Variants in CNTN6 observed in about 807,000 individuals in gnomAD.
The protein encoded by CNTN6 is contactin-6.
In CNTN6, 137 loss-of-function variants were observed where a neutral mutation model predicts 122.8. The ratio of observed to expected loss-of-function variants is 1.12; its 90% CI spans 0.97 to 1.29. The LOEUF is 1.29. CNTN6 is among the 50% of genes most tolerant of loss of function. The pLI, the probability that CNTN6 is intolerant of heterozygous loss-of-function variation, is 0.00. For synonymous variants in CNTN6, 570 were observed against 426.0 expected, an observed-to-expected ratio of 1.34 and a Z score of -4.16; for missense variants, 1,634 against 1,223.4, an observed-to-expected ratio of 1.34 and a Z score of -5.01.
At chr3:1,330,063 C>A in intron 11 of CNTN6, 128 bp downstream of exon 11, 1 of 565,486 alleles carries the variant, frequency 1.8e-6, no homozygotes, top group African/African-American at 2.0e-5. Flanking sequence ...CCTAGAGACG[C>A]CAGCATTCTT....
At chr3:1,247,427 T>C (rs1449948798) in intron 4 of CNTN6, among the ~76,000 whole-genome samples, 1 of 151,174 alleles carries the variant, frequency 6.6e-6, no homozygotes, top group Admixed American at 6.7e-5. Context: ...TAATATCTGA[T>C]AGCTATTAAA....
intron 4 of CNTN6, among the ~76,000 whole-genome samples, chr3:1,245,457 C>T (rs571542019): frequency 2.8e-4 from 41 of 147,066 alleles, no homozygotes; most frequent in African/African-American, 1.0e-3. Context: ...AAACATCATA[C>T]GTTCTTATTC....
intron 2 of CNTN6, among the ~76,000 whole-genome samples, chr3:1,158,592 G>A (rs778747715): frequency 1.3e-4 from 19 of 150,630 alleles, no homozygotes; most frequent in Non-Finnish European, 1.9e-4. Flanking sequence ...TTTTGGCAGC[G>A]GGCAGGATTT....
intron 7 of CNTN6, among the ~76,000 whole-genome samples, chr3:1,302,572 C>T (rs894639504): frequency 1.3e-5 from 2 of 151,918 alleles, no homozygotes; most frequent in Admixed American, 6.6e-5. Flanking sequence ...AGCTCCAGTG[C>T]CAGATCTTAT....
At chr3:1,250,150 G>C (rs2094641061) in intron 4 of CNTN6, among the ~76,000 whole-genome samples, 1 of 152,146 alleles carries the variant, frequency 6.6e-6, no homozygotes, top group African/African-American at 2.4e-5. Flanking sequence ...TATGTGTCCA[G>C]TAAGCCAAAA....
intron 5 of CNTN6, among the ~76,000 whole-genome samples, chr3:1,288,207 G>A (rs143184842): frequency 1.3e-5 from 2 of 152,260 alleles, no homozygotes; most frequent in East Asian, 3.9e-4. Flanking sequence ...TCATTCATAG[G>A]CCGTAAAGAA....
intron 5 of CNTN6, among the ~76,000 whole-genome samples, chr3:1,281,442 G>C (rs1484288345): frequency 6.7e-6 from 1 of 150,016 alleles, no homozygotes; most frequent in African/African-American, 2.4e-5. Flanking sequence ...ACTCCACAGA[G>C]ATAGAAGGCC....
intron 1 of CNTN6, among the ~76,000 whole-genome samples, chr3:1,103,685 A>G (rs1460050364): frequency 2.0e-5 from 3 of 152,294 alleles, no homozygotes; most frequent in Admixed American, 2.0e-4. Context: ...GAAATTACAC[A>G]CACAAGACAC....
In CNTN6 at chr3:1,137,840, C is replaced by G. The variant is rs562320353; in HGVS notation, c.-82-10087C>G. Among the ~76,000 whole-genome samples the G allele has an allele frequency of 2.6e-5, 4 of 152,288 alleles. No individual in the cohort carries two copies. In the South Asian group the frequency reaches 8.3e-4, roughly 32 times the overall value. On this transcript the variant is annotated intron_variant, in intron 1 of 22. Coordinates refer to ENST00000446702, the MANE Select transcript of CNTN6 (RefSeq NM_001289080.2). The stretch of plus-strand genomic sequence containing the variant: ...GTTTCAAAGCCAGTGCACTTAACCA[C>G]TGGCTAAACAATTCTACTTGTTAAA...
chr3:1,119,322 C>CGTGTGTGTGTATGTGT (rs1553600488), intron 1 of CNTN6, among the ~76,000 whole-genome samples: 1 of 126,490 alleles, frequency 7.9e-6, no homozygotes, highest in East Asian at 2.4e-4. Flanking sequence ...ACAGAAAAAT[C>CGTGTGTGTGTATGTGT]GTGTGTGTGT....
At chr3:1,260,827 T>G (rs927160971) in intron 4 of CNTN6, among the ~76,000 whole-genome samples, 2 of 152,124 alleles carry the variant, frequency 1.3e-5, no homozygotes, top group Non-Finnish European at 2.9e-5. Flanking sequence ...CTTCCCCTTC[T>G]GCCATGACTG....
chr3:1,104,721 T>C (rs955566025), intron 1 of CNTN6, among the ~76,000 whole-genome samples: 1 of 152,090 alleles, frequency 6.6e-6, no homozygotes, highest in African/African-American at 2.4e-5. Flanking sequence ...GCATGTGGCA[T>C]CCTTTCAGTC....
At chr3:1,226,585 T>A (rs1465849042) in intron 3 of CNTN6, among the ~76,000 whole-genome samples, 1 of 152,154 alleles carries the variant, frequency 6.6e-6, no homozygotes, top group Non-Finnish European at 1.5e-5. Flanking sequence ...ACAAAAGGCC[T>A]TGCTAACTTC....
chr3:1,274,406 T>C (rs10510188), intron 4 of CNTN6, among the ~76,000 whole-genome samples: 5,368 of 152,298 alleles, frequency 0.035, 122 homozygotes, highest in Admixed American at 0.053. Context: ...ATAAAGCTAA[T>C]GACTGCTGAT....
At chr3:1,101,334 C>A (rs1029705863) in intron 1 of CNTN6, among the ~76,000 whole-genome samples, 1 of 152,166 alleles carries the variant, frequency 6.6e-6, no homozygotes, top group Non-Finnish European at 1.5e-5. Flanking sequence ...CCATTTGGTG[C>A]CTCTGAGGGC....
chr3:1,329,749 G>A (rs756569423), intron 10 of CNTN6, 36 bp from the exon 11 acceptor site: 1 of 1,584,150 alleles, frequency 6.3e-7, no homozygotes, highest in Non-Finnish European at 8.6e-7. Context: ...TGTTAACTGA[G>A]TAATTAAACA....
chr3:1,173,287 T>G (rs1458952318), intron 2 of CNTN6: 1 of 456,692 alleles, frequency 2.2e-6, no homozygotes, highest in Non-Finnish European at 4.4e-6. Flanking sequence ...TTATGCTAAG[T>G]GCCCTTATAT....
chr3:1,118,992 C>T (rs141578759), intron 1 of CNTN6, among the ~76,000 whole-genome samples: 1 of 152,106 alleles, frequency 6.6e-6, no homozygotes, highest in Non-Finnish European at 1.5e-5. Flanking sequence ...TTTTATGGGA[C>T]CATACATAAA....
chr3:1,269,039 T>A (rs555865972), intron 4 of CNTN6, among the ~76,000 whole-genome samples: 3 of 152,308 alleles, frequency 2.0e-5, no homozygotes, highest in Admixed American at 2.0e-4. Flanking sequence ...ATTTTGTTGA[T>A]GTGCCCTCGT....
Sources: allele counts gnomAD v4.1 joint callset (sites outside exome capture counted in the v4.1 genomes callset), GRCh38; gene constraint gnomAD v4.1.1; transcripts MANE v1.5; gene names NCBI Gene and HGNC (gene_info 2026-07-23, HGNC 2026-07-21).